Variants in FKBP1B observed in about 807,000 individuals in gnomAD.
The protein encoded by FKBP1B is peptidyl-prolyl cis-trans isomerase FKBP1B.
A neutral mutation model predicts 13.5 loss-of-function variants in FKBP1B; 4 were observed. That is an observed-to-expected ratio of 0.30 (90% CI 0.15 to 0.68). The LOEUF (loss-of-function observed/expected upper bound fraction) is 0.68. FKBP1B is among the 30% of genes least tolerant of loss of function. The pLI is 0.76. For missense variants in FKBP1B, 93 were observed against 136.2 expected (o/e 0.68, Z 1.58); for synonymous variants, 54 against 53.6 (o/e 1.01, Z -0.03).
Position 24,049,903 on chromosome 2 carries a change from G to A in FKBP1B, c.37+17G>A. 2.1e-6 allele frequency: 3 copies of A among 1,398,650 alleles called. No individual in the cohort carries two copies. The highest frequency in any genetic ancestry group is 1.5e-5 in the South Asian group (1 of 65,910). The allele number at this position is 1,398,650 out of a possible 1,614,324, so 86.6% of individuals were successfully genotyped here. A position where few individuals can be genotyped will look rare whatever the true frequency, so the allele number is the denominator to read the frequency against. ...CCGGAGACGGTACCGGGCTCCCTCC[G>A]GAGCCAGGGGAGGGGAGGGGTCCCG... On this transcript the variant is annotated intron_variant, in intron 1 of 3. Coordinates refer to ENST00000380986, the MANE Select transcript of FKBP1B (RefSeq NM_004116.5).
rs1336421700 is a variant in FKBP1B at position 24,063,440 on chromosome 2, G to A, written c.*248G>A. 1 of 466,832 alleles carries A rather than the reference G, an allele frequency of 2.1e-6. No individual in the cohort carries two copies. Among genetic ancestry groups the A allele is most frequent in the Non-Finnish European group, 3.8e-6 (1 of 264,430 alleles). 28.9% of individuals were successfully genotyped at this position (466,832 alleles called of 1,614,324 possible). The stretch of plus-strand genomic sequence containing the variant: ...AGGTTGTGCATTTTGTGTGATGCAT[G>A]TAGTAGCCTTTCCTGATGACAGAAC... On this transcript the variant is annotated 3_prime_UTR_variant, in exon 4 of 4. Transcript: ENST00000380986.
chr2:24,054,013 GCTT>G (rs1664004603), intron 2 of FKBP1B, 64 bp downstream of exon 2: 47 of 1,506,928 alleles, frequency 3.1e-5, no homozygotes, highest in Non-Finnish European at 4.3e-5. Flanking sequence ...TGTCCTCTGA[GCTT>G]CTCTCCAGAG....
At chr2:24,034,141 C>T in the FKBP1B span, among the ~76,000 whole-genome samples, 1 of 152,124 alleles carries the variant, frequency 6.6e-6, no homozygotes, top group Non-Finnish European at 1.5e-5. Context: ...TATAATAGGG[C>T]CGGGTGTGGT....
intron 1 of FKBP1B, among the ~76,000 whole-genome samples, chr2:24,051,507 T>C (rs1203791822): frequency 6.6e-6 from 1 of 152,168 alleles, no homozygotes; most frequent in East Asian, 1.9e-4. Flanking sequence ...CACTAACTTT[T>C]TCCTCCAGCT....
Position 24,061,879 on chromosome 2 carries a change from G to GTT in FKBP1B, c.198+961_198+962dup, listed in dbSNP as rs67182390. ...CCTTACGATAGGTCTTGTTTTTGGTGTTTTTTTTTAGAAAGAGTATCACTC... is the reference window on the plus strand; with the variant it reads ...CCTTACGATAGGTCTTGTTTTTGGTGTTTTTTTTTTTAGAAAGAGTATCACTC... On this transcript the variant is annotated intron_variant, in intron 3 of 3. Transcript: ENST00000380986. Among the ~76,000 whole-genome samples, 6 of 150,932 alleles carry GTT rather than the reference G, an allele frequency of 4.0e-5. 1 individual carries two copies. In the South Asian group the frequency reaches 1.0e-3, roughly 26 times the overall value.
chr2:24,061,128 TG>T (rs1664373562), intron 3 of FKBP1B, among the ~76,000 whole-genome samples: 1 of 152,206 alleles, frequency 6.6e-6, no homozygotes, highest in Non-Finnish European at 1.5e-5. Context: ...TTTGTGTCCC[TG>T]GGGGCTCTCA....
intron 2 of FKBP1B, among the ~76,000 whole-genome samples, chr2:24,057,995 G>A (rs975062871): frequency 6.6e-5 from 10 of 151,846 alleles, no homozygotes; most frequent in Admixed American, 2.6e-4. Flanking sequence ...TCAGGAGTTC[G>A]AGACCAGCCT....
upstream of FKBP1B, chr2:24,045,932 T>TA (rs1378828029): frequency 6.6e-6 from 1 of 151,854 alleles, no homozygotes; most frequent in Non-Finnish European, 1.5e-5. Context: ...AAGCGTTCCA[T>TA]AAAAAAGGAA....
At chr2:24,040,336 G>A in the FKBP1B span, among the ~76,000 whole-genome samples, 1 of 152,074 alleles carries the variant, frequency 6.6e-6, no homozygotes, top group East Asian at 1.9e-4. Context: ...TAGTATTTAT[G>A]GTACTTTCAA....
chr2:24,060,618 C>T (rs1664345636), intron 2 of FKBP1B, among the ~76,000 whole-genome samples, 196 bp from the exon 3 acceptor site: 2 of 152,162 alleles, frequency 1.3e-5, no homozygotes, highest in South Asian at 4.2e-4. Flanking sequence ...ATATGGAGGA[C>T]TTAGTGATAG....
chr2:24,054,148 T>C, intron 2 of FKBP1B, 199 bp downstream of exon 2: 2 of 713,340 alleles, frequency 2.8e-6, no homozygotes, highest in Admixed American at 2.0e-5. Context: ...GGCCAACTCT[T>C]TCCCTCTTCT....
chr2:24,037,574 A>G, the FKBP1B span: 6 of 1,281,492 alleles, frequency 4.7e-6, no homozygotes, highest in Non-Finnish European at 5.3e-6. Context: ...AGCTTAGTGA[A>G]GCTCAGTTAG....
At chr2:24,041,927 C>G in the FKBP1B span, among the ~76,000 whole-genome samples, 290 of 149,790 alleles carry the variant, frequency 1.9e-3, 3 homozygotes, top group African/African-American at 6.7e-3. Flanking sequence ...TTTGGATAAG[C>G]TGTAATACCT....
At chr2:24,058,947 A>C (rs1470596010) in intron 2 of FKBP1B, among the ~76,000 whole-genome samples, 1 of 152,218 alleles carries the variant, frequency 6.6e-6, no homozygotes, top group Non-Finnish European at 1.5e-5. Context: ...GTAGTTAAAT[A>C]AGACTGTTTC....
At chr2:24,048,151 C>G (rs1663691740), upstream of FKBP1B, among the ~76,000 whole-genome samples, 1 of 152,052 alleles carries the variant, frequency 6.6e-6, no homozygotes, top group Non-Finnish European at 1.5e-5. Context: ...ATCTTCACAT[C>G]AGTTTTTATG....
the FKBP1B span, chr2:24,038,723 G>A: frequency 1.7e-5 from 27 of 1,613,956 alleles, no homozygotes; most frequent in African/African-American, 1.1e-4. Context: ...TCCATAGAGC[G>A]TACTTCACCA....
At chr2:24,038,400 C>A in the FKBP1B span, 74 of 1,614,144 alleles carry the variant, frequency 4.6e-5, no homozygotes, top group African/African-American at 9.2e-4. Flanking sequence ...CAGAGTAGAT[C>A]AAAATTATAT....
chr2:24,039,761 G>A, the FKBP1B span, among the ~76,000 whole-genome samples: 1 of 152,092 alleles, frequency 6.6e-6, no homozygotes, highest in African/African-American at 2.4e-5. Flanking sequence ...ATCTGAGTAT[G>A]GAATGGATAT....
At chr2:24,047,664 C>G (rs577048795), upstream of FKBP1B, among the ~76,000 whole-genome samples, 1 of 152,244 alleles carries the variant, frequency 6.6e-6, no homozygotes, top group Non-Finnish European at 1.5e-5. Context: ...GCTCTTTCCC[C>G]ACTTCTCGTC....
Sources: allele counts gnomAD v4.1 joint callset (sites outside exome capture counted in the v4.1 genomes callset), GRCh38; gene constraint gnomAD v4.1.1; transcripts MANE v1.5; gene names NCBI Gene and HGNC (gene_info 2026-07-23, HGNC 2026-07-21).